The following SYT16 variants were observed in gnomAD, a reference collection of about 807,000 sequenced individuals.
The protein encoded by SYT16 is synaptotagmin-16.
SYT16 carries 42 observed loss-of-function variants against 61.4 expected under a neutral mutation model. The ratio of observed to expected loss-of-function variants is 0.68; its 90% confidence interval spans 0.53 to 0.89. The LOEUF (loss-of-function observed/expected upper bound fraction) is 0.89. Ranked by LOEUF, SYT16 falls within the 40% of genes least tolerant of loss-of-function variation. The probability of loss-of-function intolerance (pLI) is 0.00; values close to 1 mark genes in which losing one functional copy is unlikely to be tolerated. For missense variants in SYT16, 804 were observed against 807.3 expected (o/e 1.00, Z 0.05); for synonymous variants, 314 against 302.3 (o/e 1.04, Z -0.40).
Position 62,108,263 on chromosome 14 carries a change from A to G in SYT16, c.*7556A>G, listed in dbSNP as rs982304717. Reference sequence around the variant, plus strand: ...TACTAAACATGTCTTAGTCCACGCAAATTAACTCAAAATCTTTGGTGGCCT... The same window carrying G: ...TACTAAACATGTCTTAGTCCACGCAGATTAACTCAAAATCTTTGGTGGCCT... On this transcript the variant is annotated 3_prime_UTR_variant, in exon 8 of 8. Coordinates refer to ENST00000683842, the MANE Select transcript of SYT16 (RefSeq NM_001367656.1). 2 of 152,182 alleles carry G rather than the reference A, an allele frequency of 1.3e-5. No individual in the cohort carries two copies. The highest frequency in any genetic ancestry group is 4.8e-5 in the African/African-American group (2 of 41,444). 9.4% of individuals were successfully genotyped at this position (152,182 alleles called of 1,614,324 possible).
intron 1 of SYT16, among the ~76,000 whole-genome samples, chr14:61,900,537 GGGATCTTTGGT>G (rs911174060): frequency 2.0e-5 from 3 of 152,188 alleles, no homozygotes; most frequent in Non-Finnish European, 4.4e-5. Flanking sequence ...TAGGATGTAA[GGGATCTTTGGT>G]GGTTTGTAAC....
At chr14:61,988,266 T>C (rs2052402677) in intron 2 of SYT16, among the ~76,000 whole-genome samples, 1 of 152,234 alleles carries the variant, frequency 6.6e-6, no homozygotes, top group African/African-American at 2.4e-5. Context: ...CATTCTTTTT[T>C]CATAAAAATT....
chr14:61,907,761 C>T (rs1394672869), intron 1 of SYT16, among the ~76,000 whole-genome samples: 2 of 152,228 alleles, frequency 1.3e-5, no homozygotes, highest in Admixed American at 6.5e-5. Context: ...AACTCTGGCA[C>T]AATATGGGGA....
intron 1 of SYT16, among the ~76,000 whole-genome samples, chr14:61,920,953 C>T (rs2049312385): frequency 6.6e-6 from 1 of 152,212 alleles, no homozygotes; most frequent in Non-Finnish European, 1.5e-5. Flanking sequence ...CTCATAACTA[C>T]TAGGTTAAGC....
chr14:62,075,077 T>C (rs1318264664), intron 4 of SYT16, 58 bp from the exon 5 acceptor site: 2 of 1,518,090 alleles, frequency 1.3e-6, no homozygotes, highest in Non-Finnish European at 1.8e-6. Context: ...TCAATTTCTC[T>C]AGGTAAAAAG....
intron 1 of SYT16, among the ~76,000 whole-genome samples, chr14:61,939,559 C>G (rs1389477549): frequency 6.6e-6 from 1 of 152,182 alleles, no homozygotes; most frequent in Non-Finnish European, 1.5e-5. Flanking sequence ...TTCATACGAT[C>G]TTTCCTTCAC....
chr14:61,915,683 A>G (rs933233592), intron 1 of SYT16, among the ~76,000 whole-genome samples: 7 of 152,210 alleles, frequency 4.6e-5, no homozygotes, highest in Admixed American at 1.3e-4. Flanking sequence ...AAGGAAATAG[A>G]TATCTATATG....
chr14:61,819,734 C>CT, intron 1 of SYT16, among the ~76,000 whole-genome samples: 1 of 152,152 alleles, frequency 6.6e-6, no homozygotes, highest in Non-Finnish European at 1.5e-5. Flanking sequence ...GATTGAAGAA[C>CT]TGAGTGTGGT....
At chr14:61,901,614 T>G (rs1248627799) in intron 1 of SYT16, among the ~76,000 whole-genome samples, 1 of 152,072 alleles carries the variant, frequency 6.6e-6, no homozygotes, top group Non-Finnish European at 1.5e-5. Context: ...TCCCCATGCA[T>G]TAGTTGAGCC....
chr14:62,075,331 T>C lies in SYT16; in HGVS notation c.933T>C (p.Phe311=), dbSNP rs777764694. The change falls in exon 5 of 8, where the codon TTT becomes TTC. Residue 311 remains phenylalanine, a synonymous_variant. Transcript: ENST00000683842. ...TEGSLEMETA[F]NSRGFEDSYA... ...GCAGCTTGGAGATGGAGACAGCTTT[T>C]AATAGCCGGGGATTTGAAGATTCCT... The C allele has an allele frequency of 6.2e-7, 1 of 1,613,758 alleles. No homozygotes were observed. The highest frequency in any genetic ancestry group is 1.3e-5 in the African/African-American group (1 of 74,880).
At chr14:61,911,138 C>G (rs2048917936) in intron 1 of SYT16, among the ~76,000 whole-genome samples, 1 of 152,166 alleles carries the variant, frequency 6.6e-6, no homozygotes, top group Non-Finnish European at 1.5e-5. Flanking sequence ...TTTCCTCTGA[C>G]AGATCTTTTT....
chr14:61,937,909 A>G (rs1013109942), intron 1 of SYT16, among the ~76,000 whole-genome samples: 1 of 152,104 alleles, frequency 6.6e-6, no homozygotes, highest in Admixed American at 6.5e-5. Flanking sequence ...TTGTACAAGT[A>G]TAAGGGTCAA....
chr14:62,086,107 C>G (rs1270041583), intron 7 of SYT16, among the ~76,000 whole-genome samples: 1 of 152,158 alleles, frequency 6.6e-6, no homozygotes, highest in African/African-American at 2.4e-5. Flanking sequence ...AGAGGTACAT[C>G]ATCGTGCTTG....
intron 1 of SYT16, among the ~76,000 whole-genome samples, chr14:61,913,398 A>T (rs1055258342): frequency 6.6e-6 from 1 of 152,122 alleles, no homozygotes; most frequent in African/African-American, 2.4e-5. Flanking sequence ...ACTGGAGGGG[A>T]TTGGTGGCTG....
intron 1 of SYT16, among the ~76,000 whole-genome samples, chr14:61,813,180 T>G (rs1295910626): frequency 6.6e-6 from 1 of 152,250 alleles, no homozygotes; most frequent in Non-Finnish European, 1.5e-5. Context: ...AAGGTTCGCC[T>G]CGAGTTCTGG....
At chr14:61,974,915 A>C (rs1246911280) in intron 2 of SYT16, among the ~76,000 whole-genome samples, 2 of 152,228 alleles carry the variant, frequency 1.3e-5, no homozygotes, top group African/African-American at 4.8e-5. Flanking sequence ...GTGCCTGCAC[A>C]AGATTACTCT....
chr14:61,886,315 T>G (rs1416380653), intron 1 of SYT16, among the ~76,000 whole-genome samples: 1 of 152,232 alleles, frequency 6.6e-6, no homozygotes, highest in Non-Finnish European at 1.5e-5. Context: ...CTGCATTGAT[T>G]GACTCTTCTT....
In SYT16 at chr14:62,081,239, GT is replaced by G; in HGVS notation, c.1400del (p.Val467GlyfsTer11). The G allele has an allele frequency of 6.2e-7, 1 of 1,613,958 alleles. No homozygotes were observed. The highest frequency in any genetic ancestry group is 2.2e-5 in the East Asian group (1 of 44,870). On this transcript the variant is annotated frameshift_variant, in exon 6 of 8. Coordinates refer to ENST00000683842, the MANE Select transcript of SYT16 (RefSeq NM_001367656.1). LOFTEE classifies it high-confidence loss of function. ...SHLHPEGEMK[V>X]TLVLEPRSNI... ...CCTGCACCCAGAAGGGGAAATGAAAGTGACTCTGGTTCTGGAGCCAAGAAGT... is the reference window on the plus strand; with the variant it reads ...CCTGCACCCAGAAGGGGAAATGAAAGGACTCTGGTTCTGGAGCCAAGAAGT...
intron 2 of SYT16, among the ~76,000 whole-genome samples, chr14:61,986,157 G>GA (rs917976124): frequency 1.3e-4 from 20 of 149,204 alleles, no homozygotes; most frequent in South Asian, 6.3e-4. Context: ...ATCTCTTAAT[G>GA]AAAAAAAAAT....
Sources: allele counts gnomAD v4.1 joint callset (sites outside exome capture counted in the v4.1 genomes callset), GRCh38; gene constraint gnomAD v4.1.1; transcripts MANE v1.5; gene names NCBI Gene and HGNC (gene_info 2026-07-23, HGNC 2026-07-21).